NUP98: variants seen among roughly 807,000 people sequenced by gnomAD.
The protein encoded by NUP98 is nucleoporin 98 and 96 precursor.
Under a neutral mutation model 191.9 loss-of-function variants are expected in NUP98, and 26 were observed. That is an observed-to-expected ratio of 0.14 (90% CI 0.10 to 0.19). The LOEUF (loss-of-function observed/expected upper bound fraction) is 0.19, where lower values mean the gene tolerates loss of function less well. Among genes scored for constraint, NUP98 ranks in the 10% least tolerant of loss-of-function variants. The pLI is 1.00. For synonymous variants in NUP98, 808 were observed against 778.4 expected (o/e 1.04, Z -0.63); for missense variants, 1,941 against 2,178.8 (o/e 0.89, Z 2.17).
chr11:3,727,420 G>T (rs1356768802), intron 14 of NUP98, among the ~76,000 whole-genome samples: 1 of 152,118 alleles, frequency 6.6e-6, no homozygotes, highest in African/African-American at 2.4e-5. Flanking sequence ...AAGCAAGAAA[G>T]TTACCAAGCA....
At chr11:3,780,385 A>AG (rs2081921025) in intron 2 of NUP98, among the ~76,000 whole-genome samples, 1 of 150,262 alleles carries the variant, frequency 6.7e-6, no homozygotes, top group African/African-American at 2.4e-5. Flanking sequence ...AAAAAAAAAA[A>AG]AAAAAAATTA....
rs895451740 is a variant in NUP98, at chr11:3,760,726, G to A, written c.1087-100C>T. The A allele has an allele frequency of 7.6e-5, 61 of 805,420 alleles. 1 individual carries two copies. Among genetic ancestry groups the A allele is most frequent in the Non-Finnish European group, 9.3e-5 (48 of 515,408 alleles). 49.9% of individuals were successfully genotyped at this position (805,420 alleles called of 1,614,324 possible). A position where few individuals can be genotyped will look rare whatever the true frequency, so the allele number is the denominator to read the frequency against. ...GTATACTGGGTTGGGTATGGGGTGG[G>A]AGAAAGATGTCCTAACATTCATAAA... is the stretch of plus-strand genomic sequence containing the variant. On this transcript the variant is annotated intron_variant, in intron 9 of 32. Coordinates refer to ENST00000324932, the MANE Select transcript of NUP98 (RefSeq NM_016320.5).
In NUP98 at chr11:3,763,092, G is replaced by A. The variant is rs931631279; in HGVS notation, c.949-53C>T. The A allele has an allele frequency of 2.0e-5, 30 of 1,520,102 alleles. No individual in the cohort carries two copies. The Admixed American group carries it at 3.5e-4, about 18-fold the overall frequency. The allele number at this position is 1,520,102 out of a possible 1,614,324, so 94.2% of individuals were successfully genotyped here. Reference sequence around the variant, plus strand: ...GATATCCTGTAATAGTTTCCGTAACGAATCTCAGAGTAATAAAAAAAAAGT... The same window carrying A: ...GATATCCTGTAATAGTTTCCGTAACAAATCTCAGAGTAATAAAAAAAAAGT... On this transcript the variant is annotated intron_variant, in intron 8 of 32. Transcript: ENST00000324932.
chr11:3,759,551 C>T (rs1392640240), intron 10 of NUP98, among the ~76,000 whole-genome samples: 2 of 151,848 alleles, frequency 1.3e-5, no homozygotes, highest in African/African-American at 2.4e-5. Flanking sequence ...GAGCCAAGAT[C>T]GAGATCATGC....
At chr11:3,759,017 A>G (rs2081073650) in intron 10 of NUP98, among the ~76,000 whole-genome samples, 1 of 152,216 alleles carries the variant, frequency 6.6e-6, no homozygotes, top group Non-Finnish European at 1.5e-5. Flanking sequence ...CCTGTAGTTG[A>G]TAAACATATT....
intron 11 of NUP98, among the ~76,000 whole-genome samples, chr11:3,751,629 C>T (rs1164939274): frequency 6.6e-6 from 1 of 152,110 alleles, no homozygotes; most frequent in Non-Finnish European, 1.5e-5. Flanking sequence ...GAGCTCAAGG[C>T]AGGAGGATGG....
chr11:3,779,351 T>C, intron 2 of NUP98, 94 bp from the exon 3 acceptor site: 1 of 1,100,836 alleles, frequency 9.1e-7, no homozygotes. Flanking sequence ...CTTAAAATTC[T>C]GCATTTGAGG....
intron 11 of NUP98, among the ~76,000 whole-genome samples, chr11:3,746,724 C>A (rs989172275): frequency 2.6e-5 from 4 of 151,706 alleles, no homozygotes; most frequent in Admixed American, 2.6e-4. Flanking sequence ...ACCAGCCTGA[C>A]AAACATGGAG....
At chr11:3,746,465 C>T (rs1428813036) in intron 11 of NUP98, among the ~76,000 whole-genome samples, 1 of 151,678 alleles carries the variant, frequency 6.6e-6, no homozygotes, top group Non-Finnish European at 1.5e-5. Context: ...TGCCTCCAAA[C>T]AAAAACTTAG....
chr11:3,775,694 T>C (rs2081694343), intron 5 of NUP98, among the ~76,000 whole-genome samples, 188 bp downstream of exon 5: 1 of 152,150 alleles, frequency 6.6e-6, no homozygotes, highest in African/African-American at 2.4e-5. Context: ...CAAATATACA[T>C]CGTAATCTAG....
At chr11:3,784,419 G>A (rs1015005286) in intron 1 of NUP98, among the ~76,000 whole-genome samples, 4 of 152,044 alleles carry the variant, frequency 2.6e-5, no homozygotes, top group African/African-American at 9.7e-5. Flanking sequence ...AGTGGTTCTA[G>A]AGGGCCACAT....
At position 3,779,118 on chromosome 11, in the gene NUP98, T is replaced by A. The variant is rs746254393; in HGVS notation, c.178+38A>T. 3.7e-6 allele frequency: 6 copies of A among 1,613,104 alleles called. No individual in the cohort carries two copies. In the South Asian group the frequency reaches 6.6e-5, roughly 18 times the overall value. On this transcript the variant is annotated intron_variant, in intron 3 of 32. Coordinates refer to ENST00000324932, the MANE Select transcript of NUP98 (RefSeq NM_016320.5). The stretch of plus-strand genomic sequence containing the variant: ...CCACTAAGTCAATTCCTATACTAGC[T>A]ACAAACAAACCAGTTATATCACAAA...
intron 18 of NUP98, among the ~76,000 whole-genome samples, chr11:3,717,534 T>A (rs2079229695): frequency 6.6e-6 from 1 of 152,266 alleles, no homozygotes; most frequent in African/African-American, 2.4e-5. Flanking sequence ...TGATTCTGTA[T>A]CCTGTAACTT....
intron 12 of NUP98, among the ~76,000 whole-genome samples, chr11:3,742,577 T>TA (rs1274151122): frequency 6.6e-6 from 1 of 151,506 alleles, no homozygotes; most frequent in African/African-American, 2.4e-5. Context: ...CAGGCACCTG[T>TA]AATCCCAGCT....
At chr11:3,732,633 A>T (rs566004542) in intron 13 of NUP98, among the ~76,000 whole-genome samples, 2 of 152,362 alleles carry the variant, frequency 1.3e-5, no homozygotes, top group African/African-American at 4.8e-5. Flanking sequence ...AAATAAAGTT[A>T]CTTCCTCTGA....
chr11:3,708,431 C>T (rs1397222424), intron 20 of NUP98, among the ~76,000 whole-genome samples: 1 of 151,980 alleles, frequency 6.6e-6, no homozygotes, highest in East Asian at 1.9e-4. Context: ...AGATTAGAGA[C>T]CTAAGGGACT....
chr11:3,793,584 C>T (rs570046018), intron 1 of NUP98, among the ~76,000 whole-genome samples: 9 of 152,156 alleles, frequency 5.9e-5, no homozygotes, highest in Admixed American at 2.0e-4. Flanking sequence ...CACACCCGGC[C>T]AGCTACCACT....
At chr11:3,761,545 G>A (rs544091831) in intron 9 of NUP98, among the ~76,000 whole-genome samples, 2 of 152,110 alleles carry the variant, frequency 1.3e-5, no homozygotes, top group African/African-American at 2.4e-5. Context: ...GGATCACGAG[G>A]TCAGGAGTTC....
chr11:3,753,637 G>A (rs189479283), intron 10 of NUP98, among the ~76,000 whole-genome samples: 24 of 151,520 alleles, frequency 1.6e-4, no homozygotes, highest in Non-Finnish European at 1.0e-4. Flanking sequence ...AAGGCCATGC[G>A]CGGTGGCTCA....
Sources: gnomAD v4.1 joint callset for allele counts (sites outside exome capture counted in the v4.1 genomes callset) on GRCh38, gnomAD v4.1.1 for gene constraint, MANE v1.5 for transcripts, NCBI Gene and HGNC (gene_info 2026-07-23, HGNC 2026-07-21) for gene names.